Variants in DPYSL3 observed in about 807,000 individuals in gnomAD.
DPYSL3 encodes the protein dihydropyrimidinase like 3, also known as dihydropyrimidinase-related protein 3.
A neutral mutation model predicts 66.1 loss-of-function variants in DPYSL3; 16 were observed. That is an observed-to-expected ratio of 0.24 (90% confidence interval 0.16 to 0.37). The LOEUF (loss-of-function observed/expected upper bound fraction) is 0.37. Ranked by LOEUF, DPYSL3 falls within the 10% of genes least tolerant of loss-of-function variation. The pLI is 1.00. For missense variants in DPYSL3, 738 were observed against 916.2 expected (o/e 0.81, Z 2.51); for synonymous variants, 338 against 345.1 (o/e 0.98, Z 0.23).
At chr5:147,479,479 A>G (rs775596942) in intron 1 of DPYSL3, among the ~76,000 whole-genome samples, 3 of 152,286 alleles carry the variant, frequency 2.0e-5, no homozygotes, top group East Asian at 1.9e-4. Flanking sequence ...CTGAAGAGAG[A>G]ATGAAAAAAG....
intron 12 of DPYSL3, 138 bp from the exon 13 acceptor site, chr5:147,395,859 GAGA>G (rs1757955564): frequency 1.9e-6 from 2 of 1,068,820 alleles, no homozygotes; most frequent in Admixed American, 2.7e-5. Context: ...TTGAGGAAGG[GAGA>G]AGTAGTATAA....
At chr5:147,495,968 T>C (rs906539652) in intron 1 of DPYSL3, among the ~76,000 whole-genome samples, 5 of 152,170 alleles carry the variant, frequency 3.3e-5, no homozygotes, top group African/African-American at 1.2e-4. Context: ...AGAACAAAGC[T>C]GGAGGCATCA....
At chr5:147,401,292 T>C (rs980066564) in intron 9 of DPYSL3, among the ~76,000 whole-genome samples, 1 of 152,184 alleles carries the variant, frequency 6.6e-6, no homozygotes, top group Admixed American at 6.5e-5. Flanking sequence ...AGTCTTACCA[T>C]AGAGCTTGGT....
At chr5:147,436,681 T>C (rs1752419704) in intron 1 of DPYSL3, among the ~76,000 whole-genome samples, 1 of 152,210 alleles carries the variant, frequency 6.6e-6, no homozygotes, top group Non-Finnish European at 1.5e-5. Flanking sequence ...AATGTGGTAA[T>C]TGCTGTGGTC....
chr5:147,418,457 G>A lies in DPYSL3; in HGVS notation c.645C>T (p.Thr215=), dbSNP rs377294346. 4 of 1,606,776 alleles carry A rather than the reference G, an allele frequency of 2.5e-6. No individual in the cohort carries two copies. Among genetic ancestry groups the A allele is most frequent in the Non-Finnish European group, 3.4e-6 (4 of 1,175,866 alleles). ...AATATGAAGACTTACTGATCATGGT[G>A]GTGCCACCTGCTAAGGCCGCCTTTG... The part of the protein sequence containing the change: ...QGTKAALAGG[T]TMIIDHVVPE... The change falls in exon 3 of 14, where the codon ACC becomes ACT. Residue 215 remains threonine, a synonymous_variant. Transcript: ENST00000343218.
chr5:147,460,112 GA>G (rs548859726), intron 1 of DPYSL3, among the ~76,000 whole-genome samples: 67 of 141,732 alleles, frequency 4.7e-4, no homozygotes, highest in Middle Eastern at 3.6e-3. Flanking sequence ...CTCCGTCTCA[GA>G]AAAAAAAAAA....
intron 2 of DPYSL3, among the ~76,000 whole-genome samples, chr5:147,422,555 T>G (rs1268189246): frequency 6.6e-6 from 1 of 152,188 alleles, no homozygotes; most frequent in Non-Finnish European, 1.5e-5. Context: ...TGCACACGTA[T>G]GTTTATTGCA....
intron 1 of DPYSL3, among the ~76,000 whole-genome samples, chr5:147,460,227 C>T (rs1282001834): frequency 6.6e-6 from 1 of 152,188 alleles, no homozygotes; most frequent in Non-Finnish European, 1.5e-5. Flanking sequence ...AGGGGAAAAA[C>T]TCTTGACAGC....
At position 147,390,985 on chromosome 5, in the gene DPYSL3, TCCATAC is replaced by T. The variant is rs1430519786; in HGVS notation, c.*3044_*3049del. On this transcript the variant is annotated 3_prime_UTR_variant, in exon 14 of 14. Coordinates refer to ENST00000343218, the MANE Select transcript of DPYSL3 (RefSeq NM_001197294.2). ...ACAGATCACAGGAGATTACTGTCTG[TCCATAC>T]CCACCAGACACAGAACTGAACACCC... 1 of 152,672 alleles carries T rather than the reference TCCATAC, an allele frequency of 6.5e-6. No homozygotes were observed. Among genetic ancestry groups the T allele is most frequent in the East Asian group, 1.9e-4 (1 of 5,170 alleles). 9.5% of individuals were successfully genotyped at this position (152,672 alleles called of 1,614,324 possible).
intron 1 of DPYSL3, among the ~76,000 whole-genome samples, chr5:147,436,785 G>GA (rs1384254534): frequency 6.6e-6 from 1 of 152,216 alleles, no homozygotes; most frequent in Non-Finnish European, 1.5e-5. Context: ...AAGGGAAAGT[G>GA]ACGCAGATGC....
chr5:147,495,640 CATTCACA>C (rs1246878709), intron 1 of DPYSL3, among the ~76,000 whole-genome samples: 13 of 152,146 alleles, frequency 8.5e-5, no homozygotes, highest in Non-Finnish European at 1.3e-4. Flanking sequence ...AGTGAACTCC[CATTCACA>C]ATTGCTTCAA....
At chr5:147,485,554 G>A (rs1436544807) in intron 1 of DPYSL3, among the ~76,000 whole-genome samples, 4 of 152,078 alleles carry the variant, frequency 2.6e-5, no homozygotes, top group African/African-American at 9.7e-5. Context: ...TGCATAGAGT[G>A]ACTTATAAAT....
intron 4 of DPYSL3, 66 bp downstream of exon 4, chr5:147,415,643 G>A: frequency 6.4e-7 from 1 of 1,557,982 alleles, no homozygotes; most frequent in South Asian, 1.2e-5. Context: ...GAAATGAGTG[G>A]ATGGTGTTGG....
chr5:147,397,811 A>T lies in DPYSL3; in HGVS notation c.1658T>A (p.Leu553Gln). Residue 553 changes from leucine to glutamine, a missense_variant, in exon 12 of 14, where the codon CTG (leucine) becomes CAG (glutamine). Physicochemically the swap from Leu to Gln is moderately radical, Grantham distance 113. Coordinates refer to ENST00000343218, the MANE Select transcript of DPYSL3 (RefSeq NM_001197294.2). ...AEYNIFEGME[L>Q]RGAPLVVICQ... ...GATGACAACCAGAGGAGCCCCGCGC[A>T]GCTCCATCCCTTCAAAGATGTTGTA... 1 of 1,613,466 alleles carries T rather than the reference A, an allele frequency of 6.2e-7. No homozygotes were observed. Among genetic ancestry groups the T allele is most frequent in the Non-Finnish European group, 8.5e-7 (1 of 1,179,710 alleles).
At chr5:147,486,557 T>C (rs749532343) in intron 1 of DPYSL3, among the ~76,000 whole-genome samples, 15 of 152,182 alleles carry the variant, frequency 9.9e-5, no homozygotes, top group Non-Finnish European at 1.6e-4. Flanking sequence ...TTCTCCCTCC[T>C]CTGGACTGAA....
Position 147,401,567 on chromosome 5 carries a change from G to A in DPYSL3, c.1283C>T (p.Pro428Leu), listed in dbSNP as rs767626566. ...SPPLSPDPTT[P>L]DYINSLLASG... ...GGCCAGCAAGGAGTTGATGTAGTCC[G>A]GAGTAGTTGGGTCAGGGCTCAGGGG... The change falls in exon 9 of 14, where the codon CCG (proline) becomes CTG (leucine). Residue 428 changes from proline to leucine, a missense_variant. By Grantham distance (98) the Pro-to-Leu change is moderately conservative. Transcript: ENST00000343218. 1.7e-5 allele frequency: 27 copies of A among 1,613,300 alleles called. No individual in the cohort carries two copies. Among genetic ancestry groups the A allele is most frequent in the Middle Eastern group, 1.6e-4 (1 of 6,078 alleles).
chr5:147,461,126 A>C (rs1219371608), intron 1 of DPYSL3, among the ~76,000 whole-genome samples: 1 of 152,172 alleles, frequency 6.6e-6, no homozygotes, highest in African/African-American at 2.4e-5. Context: ...CCAACAGAAA[A>C]GGGCTACAAG....
intron 1 of DPYSL3, among the ~76,000 whole-genome samples, chr5:147,484,180 A>AT (rs1221698310): frequency 6.6e-6 from 1 of 152,162 alleles, no homozygotes; most frequent in Non-Finnish European, 1.5e-5. Context: ...TCATTTGGGA[A>AT]TTTCATCCTG....
intron 1 of DPYSL3, among the ~76,000 whole-genome samples, chr5:147,482,823 C>G (rs1487705248): frequency 6.6e-6 from 1 of 152,178 alleles, no homozygotes; most frequent in African/African-American, 2.4e-5. Context: ...ACTCACAGTT[C>G]TGCATGGCTG....
Sources: allele counts gnomAD v4.1 joint callset (sites outside exome capture counted in the v4.1 genomes callset), GRCh38; gene constraint gnomAD v4.1.1; transcripts MANE v1.5; gene names NCBI Gene and HGNC (gene_info 2026-07-23, HGNC 2026-07-21).